The following SLC8A1 variants were observed in gnomAD, a reference collection of about 807,000 sequenced individuals.
The protein encoded by SLC8A1 is sodium/calcium exchanger 1.
In SLC8A1, 18 loss-of-function variants were observed where a neutral mutation model predicts 68.3. The observed-to-expected ratio is 0.26, with a 90% CI of 0.18 to 0.39. The LOEUF is 0.39. Ranked by LOEUF, SLC8A1 falls within the 10% of genes least tolerant of loss-of-function variation. SLC8A1 has a pLI of 1.00. For missense variants in SLC8A1, 985 were observed against 1,156.7 expected (o/e 0.85, Z 2.15); for synonymous variants, 475 against 415.5 (o/e 1.14, Z -1.74).
intron 7 of SLC8A1, among the ~76,000 whole-genome samples, chr2:40,128,795 T>C (rs1175128727): frequency 6.6e-6 from 1 of 152,194 alleles, no homozygotes; most frequent in South Asian, 2.1e-4. Context: ...TTTACAAATA[T>C]ATAGAGAGAG....
chr2:40,482,604 A>G (rs1704701325), intron 1 of SLC8A1, among the ~76,000 whole-genome samples: 1 of 152,008 alleles, frequency 6.6e-6, no homozygotes, highest in East Asian at 1.9e-4. Context: ...GGAGACTTTA[A>G]GCAACTTGCC....
At chr2:40,487,349 C>T (rs1705035561) in intron 1 of SLC8A1, among the ~76,000 whole-genome samples, 1 of 152,070 alleles carries the variant, frequency 6.6e-6, no homozygotes. Context: ...TTTTTCCTAA[C>T]AATTCTAGAA....
At chr2:40,188,403 G>C (rs921675673) in intron 2 of SLC8A1, among the ~76,000 whole-genome samples, 1 of 152,204 alleles carries the variant, frequency 6.6e-6, no homozygotes, top group Non-Finnish European at 1.5e-5. Context: ...AGAAAGATCA[G>C]TTCTCCATTT....
At chr2:40,168,625 G>C (rs981462449) in intron 4 of SLC8A1, among the ~76,000 whole-genome samples, 1 of 152,076 alleles carries the variant, frequency 6.6e-6, no homozygotes, top group African/African-American at 2.4e-5. Context: ...TGTTGAATAC[G>C]GAAATGGTTT....
intron 2 of SLC8A1, among the ~76,000 whole-genome samples, chr2:40,252,950 C>CAT (rs145630524): frequency 3.2e-5 from 3 of 92,608 alleles, no homozygotes; most frequent in Admixed American, 2.5e-4. Flanking sequence ...TACATATATA[C>CAT]ATATGTGTGT....
intron 2 of SLC8A1, among the ~76,000 whole-genome samples, chr2:40,351,777 C>A (rs1467819767): frequency 6.6e-6 from 1 of 152,032 alleles, no homozygotes; most frequent in Non-Finnish European, 1.5e-5. Flanking sequence ...CAATAGCTTG[C>A]CTAAGTATTT....
intron 2 of SLC8A1, among the ~76,000 whole-genome samples, chr2:40,401,557 A>C (rs1327634059): frequency 7.6e-6 from 1 of 130,802 alleles, no homozygotes; most frequent in Non-Finnish European, 1.6e-5. Context: ...TTTTGAATTA[A>C]TAGGCCAGTC....
intron 7 of SLC8A1, among the ~76,000 whole-genome samples, chr2:40,118,017 G>T (rs1270848749): frequency 6.6e-6 from 1 of 152,176 alleles, no homozygotes; most frequent in Non-Finnish European, 1.5e-5. Flanking sequence ...ATGAAAAGCA[G>T]ATCTGATTAT....
intron 2 of SLC8A1, among the ~76,000 whole-genome samples, chr2:40,411,930 C>A (rs1692278317): frequency 6.6e-6 from 1 of 152,048 alleles, no homozygotes; most frequent in Non-Finnish European, 1.5e-5. Context: ...GAATTTTTAG[C>A]ATGTGTCAGG....
intron 2 of SLC8A1, among the ~76,000 whole-genome samples, chr2:40,287,660 T>C (rs532002092): frequency 1.4e-5 from 2 of 139,138 alleles, no homozygotes; most frequent in African/African-American, 2.7e-5. Context: ...AAGCTTACCA[T>C]ACTGGGAGGA....
chr2:40,356,892 C>A (rs528486899), intron 2 of SLC8A1, among the ~76,000 whole-genome samples: 13 of 152,266 alleles, frequency 8.5e-5, no homozygotes, highest in African/African-American at 2.9e-4. Context: ...CTCCTTAAGC[C>A]TCAATTATAA....
intron 2 of SLC8A1, among the ~76,000 whole-genome samples, chr2:40,332,397 T>C (rs917193178): frequency 2.1e-5 from 3 of 140,004 alleles, no homozygotes; most frequent in Admixed American, 7.4e-5. Flanking sequence ...AGTCAAATGA[T>C]ATCCTCTTTC....
At chr2:40,342,961 A>G (rs1668176933) in intron 2 of SLC8A1, among the ~76,000 whole-genome samples, 1 of 152,160 alleles carries the variant, frequency 6.6e-6, no homozygotes. Context: ...ACAATAAGAG[A>G]TGGTAACCAC....
chr2:40,412,712 A>G (rs1692535914), intron 2 of SLC8A1, among the ~76,000 whole-genome samples: 1 of 152,180 alleles, frequency 6.6e-6, no homozygotes, highest in Non-Finnish European at 1.5e-5. Context: ...CAGCTGCTAA[A>G]ATTGCAAAGG....
At chr2:40,374,953 A>T (rs189890531) in intron 2 of SLC8A1, among the ~76,000 whole-genome samples, 195 of 152,232 alleles carry the variant, frequency 1.3e-3, no homozygotes, top group Non-Finnish European at 2.4e-3. Flanking sequence ...TTATTTACCA[A>T]AGCTAGCTTC....
rs144620973 is a variant in SLC8A1 at position 40,428,550 on chromosome 2, G to C, written c.1731C>G (p.Ile577Met). ...CCCCTCCACCTCTGGCAGTCCCTTC[G>C]ATGGTTTTATATGGAACGATAACAT... Residue 577 changes from isoleucine (I) to methionine (M), a missense_variant, in exon 2 of 8, where the codon ATC becomes ATG. Physicochemically the swap from Ile to Met is conservative, Grantham distance 10 (BLOSUM62 1). This residue lies in a region of SLC8A1 where 584 missense variants were observed against 565.9 expected (regional missense o/e 1.03). Coordinates refer to ENST00000406785, the Ensembl canonical transcript of SLC8A1. The C allele has an allele frequency of 2.5e-6, 4 of 1,613,480 alleles. No homozygotes were observed. Among genetic ancestry groups the C allele is most frequent in the African/African-American group, 1.3e-5 (1 of 74,938 alleles).
intron 2 of SLC8A1, among the ~76,000 whole-genome samples, chr2:40,411,622 AAAAC>A (rs1483600047): frequency 2.6e-4 from 40 of 152,086 alleles, no homozygotes; most frequent in Admixed American, 2.4e-3. Context: ...TGTCAAAACA[AAAAC>A]AAACAATAGG....
intron 2 of SLC8A1, among the ~76,000 whole-genome samples, chr2:40,294,394 A>G (rs1164823621): frequency 6.6e-6 from 1 of 152,210 alleles, no homozygotes; most frequent in African/African-American, 2.4e-5. Context: ...AAGATAAGGT[A>G]AAGTAAGTTG....
chr2:40,239,293 G>T (rs1257042834), intron 2 of SLC8A1, among the ~76,000 whole-genome samples: 3 of 152,154 alleles, frequency 2.0e-5, no homozygotes, highest in African/African-American at 7.2e-5. Flanking sequence ...GTTGATGGAA[G>T]TATATTTGAC....
Sources: gnomAD v4.1 joint callset for allele counts (sites outside exome capture counted in the v4.1 genomes callset) on GRCh38, gnomAD v4.1.1 for gene constraint, gnomAD v4.1.1 regional missense constraint, MANE v1.5 for transcripts, NCBI Gene and HGNC (gene_info 2026-07-23, HGNC 2026-07-21) for gene names.